RCOR1: variants seen among roughly 807,000 people sequenced by gnomAD.
The protein encoded by RCOR1 is REST corepressor.
RCOR1 carries 12 observed loss-of-function variants against 64.0 expected under a neutral mutation model. The observed-to-expected ratio is 0.19, with a 90% CI of 0.12 to 0.30. The LOEUF is 0.30. Ranked by LOEUF, RCOR1 falls within the 10% of genes least tolerant of loss-of-function variation. RCOR1 has a pLI of 1.00. For missense variants in RCOR1, 502 were observed against 621.2 expected (o/e 0.81, Z 2.04); for synonymous variants, 279 against 227.2 (o/e 1.23, Z -2.05).
chr14:102,654,001 T>TCTTTCTTTG (rs1442195145), intron 2 of RCOR1, among the ~76,000 whole-genome samples: 1 of 131,686 alleles, frequency 7.6e-6, no homozygotes, highest in African/African-American at 3.1e-5. Context: ...TTTTTTTTTT[T>TCTTTCTTTG]TTGAGACGGA....
At chr14:102,716,346 A>G (rs1896068547) in intron 8 of RCOR1, among the ~76,000 whole-genome samples, 1 of 152,050 alleles carries the variant, frequency 6.6e-6, no homozygotes, top group Admixed American at 6.6e-5. Context: ...TGTGACTCTC[A>G]ATGGTATCTT....
chr14:102,675,702 T>C (rs552904909), intron 2 of RCOR1, among the ~76,000 whole-genome samples: 30 of 152,364 alleles, frequency 2.0e-4, no homozygotes, highest in African/African-American at 7.0e-4. Flanking sequence ...GGGGCACCAC[T>C]GGAGTTTCAT....
Position 102,602,394 on chromosome 14 carries a change from CTTTTTTTTTT to C in RCOR1, c.361+9079_361+9088del, listed in dbSNP as rs66743592. Among the ~76,000 whole-genome samples, 4 of 104,230 alleles carry C rather than the reference CTTTTTTTTTT, an allele frequency of 3.8e-5. No homozygotes were observed. In the East Asian group the frequency reaches 7.8e-4, roughly 20 times the overall value. The allele number at this position is 104,230 out of a possible 152,430, so 68.4% of individuals were successfully genotyped here. On this transcript the variant is annotated intron_variant, in intron 2 of 11. Coordinates refer to ENST00000262241, the MANE Select transcript of RCOR1 (RefSeq NM_015156.4). The stretch of plus-strand genomic sequence containing the variant: ...GCATTTTTTTCTTTTCTTTTCTTTT[CTTTTTTTTTT>C]TTTTTTTTTGGAGATGGAGTTTCGC...
At chr14:102,673,806 G>A (rs1339918682) in intron 2 of RCOR1, among the ~76,000 whole-genome samples, 1 of 151,944 alleles carries the variant, frequency 6.6e-6, no homozygotes, top group Admixed American at 6.6e-5. Context: ...GTAGAGACAG[G>A]GTTTCTCCAT....
chr14:102,692,256 C>T (rs1184870102), intron 3 of RCOR1, among the ~76,000 whole-genome samples: 1 of 152,186 alleles, frequency 6.6e-6, no homozygotes, highest in African/African-American at 2.4e-5. Flanking sequence ...ATGTAAAGCA[C>T]ATTTTGGGAT....
At position 102,684,828 on chromosome 14, in the gene RCOR1, A is replaced by C. The variant is rs573212951; in HGVS notation, c.445+2850A>C. Among the ~76,000 whole-genome samples the C allele has an allele frequency of 4.9e-4, 74 of 152,288 alleles. No homozygotes were observed. The South Asian group carries it at 9.5e-3, about 20-fold the overall frequency. On this transcript the variant is annotated intron_variant, in intron 3 of 11. Transcript: ENST00000262241. ...GGACCTAAGCAGTTTCCACGTTGTT[A>C]AAACTGCTTATAAAGGTTTTAAATA... is the stretch of plus-strand genomic sequence containing the variant.
rs529456961 is a variant in RCOR1 at position 102,720,492 on chromosome 14, G to GC, written c.1054-508dup. Among the ~76,000 whole-genome samples the GC allele has an allele frequency of 2.4e-4, 37 of 152,134 alleles. No individual in the cohort carries two copies. The East Asian group carries it at 3.7e-3, about 15-fold the overall frequency. On this transcript the variant is annotated intron_variant, in intron 8 of 11. Coordinates refer to ENST00000262241, the MANE Select transcript of RCOR1 (RefSeq NM_015156.4). ...ATCTCACTGACATTGTGTTTTCCTC[G>GC]CCCCCCCATCATTAAAGAAATCTAT...
intron 7 of RCOR1, 141 bp from the exon 8 acceptor site, chr14:102,714,282 A>ATCT (rs1337429764): frequency 1.9e-6 from 1 of 515,406 alleles, no homozygotes; most frequent in Non-Finnish European, 3.4e-6. Context: ...GCCTGTTAGA[A>ATCT]TTTATAGATC....
chr14:102,683,717 G>A (rs977856908), intron 3 of RCOR1, among the ~76,000 whole-genome samples: 5 of 152,234 alleles, frequency 3.3e-5, no homozygotes, highest in Non-Finnish European at 5.9e-5. Context: ...CAGCCAGTGC[G>A]CTCGGCCACG....
chr14:102,655,440 A>G, intron 2 of RCOR1: 3 of 984,676 alleles, frequency 3.0e-6, no homozygotes, highest in Non-Finnish European at 3.6e-6. Context: ...CATGTTTTAT[A>G]ATTTGCTTTT....
chr14:102,642,954 G>A (rs1048804361), intron 2 of RCOR1, among the ~76,000 whole-genome samples: 2 of 152,198 alleles, frequency 1.3e-5, no homozygotes, highest in African/African-American at 4.8e-5. Flanking sequence ...ATTTTACAGT[G>A]TCCTAAACTT....
At chr14:102,660,467 C>G (rs141664327) in intron 2 of RCOR1, among the ~76,000 whole-genome samples, 1 of 152,082 alleles carries the variant, frequency 6.6e-6, no homozygotes, top group East Asian at 1.9e-4. Flanking sequence ...TGGCTTACTG[C>G]AGCCTTGGAC....
chr14:102,623,387 ATTATTTATTTAT>A (rs376556197), intron 2 of RCOR1, among the ~76,000 whole-genome samples: 53 of 124,836 alleles, frequency 4.2e-4, no homozygotes, highest in South Asian at 2.1e-3. Context: ...TTATTTATTT[ATTATTTATTTAT>A]TTATTTATTT....
chr14:102,721,481 C>CTCAA, intron 10 of RCOR1, 104 bp downstream of exon 10: 1 of 761,580 alleles, frequency 1.3e-6, no homozygotes. Flanking sequence ...AGCCCAGGAG[C>CTCAA]TCAAGGCTGC....
intron 2 of RCOR1, among the ~76,000 whole-genome samples, chr14:102,680,593 G>A (rs1895282852): frequency 6.6e-6 from 1 of 152,164 alleles, no homozygotes; most frequent in Non-Finnish European, 1.5e-5. Context: ...AGATCATGAG[G>A]TCAGGAGTTC....
At chr14:102,598,726 G>A (rs1469641305) in intron 2 of RCOR1, among the ~76,000 whole-genome samples, 2 of 152,150 alleles carry the variant, frequency 1.3e-5, no homozygotes, top group South Asian at 2.1e-4. Flanking sequence ...GGGATTACAG[G>A]CGTGAGCCGC....
chr14:102,707,534 G>A (rs1415190658), intron 5 of RCOR1, 22 bp downstream of exon 5: 1 of 1,565,982 alleles, frequency 6.4e-7, no homozygotes, highest in African/African-American at 1.4e-5. Context: ...AGACCACTGA[G>A]TTCTATTTTT....
Position 102,612,614 on chromosome 14 carries a change from G to A in RCOR1, c.361+19289G>A, listed in dbSNP as rs116652497. ...GCCTCCCAAAGTGGTGGGATTTCAGGAGTAAGCCACTGCACCCAGCCTTGT... is the reference window on the plus strand; with the variant it reads ...GCCTCCCAAAGTGGTGGGATTTCAGAAGTAAGCCACTGCACCCAGCCTTGT... On this transcript the variant is annotated intron_variant, in intron 2 of 11. Coordinates refer to ENST00000262241, the MANE Select transcript of RCOR1 (RefSeq NM_015156.4). 9.3e-3 allele frequency among the ~76,000 whole-genome samples: 1,421 copies of A among 152,162 alleles called. 24 individuals carry two copies. Among genetic ancestry groups the A allele is most frequent in the African/African-American group, 0.032 (1,346 of 41,512 alleles).
intron 2 of RCOR1, among the ~76,000 whole-genome samples, chr14:102,594,799 A>G (rs1364581071): frequency 6.6e-6 from 1 of 152,032 alleles, no homozygotes; most frequent in African/African-American, 2.4e-5. Flanking sequence ...TTTTGGTTAC[A>G]GTTGACCCTG....
Sources: gnomAD v4.1 joint callset for allele counts (sites outside exome capture counted in the v4.1 genomes callset) on GRCh38, gnomAD v4.1.1 for gene constraint, MANE v1.5 for transcripts, NCBI Gene and HGNC (gene_info 2026-07-23, HGNC 2026-07-21) for gene names.